The following CNIH3 variants were observed in gnomAD, a reference collection of about 807,000 sequenced individuals.
CNIH3 encodes the protein cornichon family AMPA receptor auxiliary protein 3.
CNIH3 carries 14 observed loss-of-function variants against 24.1 expected under a neutral mutation model. The ratio of observed to expected loss-of-function variants is 0.58; its 90% CI spans 0.38 to 0.91. The LOEUF (loss-of-function observed/expected upper bound fraction) is 0.91, where lower values mean the gene tolerates loss of function less well. CNIH3 is among the 40% of genes least tolerant of loss of function. The pLI is 0.00. For missense variants in CNIH3, 178 were observed against 196.8 expected, an observed-to-expected ratio of 0.90 and a Z score of 0.57; for synonymous variants, 68 against 73.8, an observed-to-expected ratio of 0.92 and a Z score of 0.40.
chr1:224,517,190 T>C (rs1246359394), intron 1 of CNIH3, among the ~76,000 whole-genome samples: 1 of 152,118 alleles, frequency 6.6e-6, no homozygotes, highest in Non-Finnish European at 1.5e-5. Flanking sequence ...GCGGCGGTGG[T>C]GGGATGACCT....
chr1:224,591,764 T>A (rs901739949), downstream of CNIH3, among the ~76,000 whole-genome samples: 1 of 152,066 alleles, frequency 6.6e-6, no homozygotes, highest in Non-Finnish European at 1.5e-5. Flanking sequence ...AGCTTTAGAG[T>A]CAGATGGATT....
At chr1:224,519,780 C>T (rs1485611167) in intron 1 of CNIH3, among the ~76,000 whole-genome samples, 1 of 151,352 alleles carries the variant, frequency 6.6e-6, no homozygotes, top group African/African-American at 2.4e-5. Flanking sequence ...CCTGTTGGTT[C>T]TGTTTCTTGG....
intron 3 of CNIH3, among the ~76,000 whole-genome samples, chr1:224,609,139 C>T (rs1276921714): frequency 6.6e-6 from 1 of 152,252 alleles, no homozygotes; most frequent in East Asian, 1.9e-4. Flanking sequence ...CTGCCCTGCT[C>T]ATCTCTGCCT....
chr1:224,443,925 G>A (rs914559137), intron 1 of CNIH3, among the ~76,000 whole-genome samples: 2 of 152,114 alleles, frequency 1.3e-5, no homozygotes, highest in African/African-American at 2.4e-5. Flanking sequence ...GGTAGGGGCA[G>A]AAGACAAGAG....
At chr1:224,523,299 A>G (rs1289648869) in intron 2 of CNIH3, among the ~76,000 whole-genome samples, 2 of 152,182 alleles carry the variant, frequency 1.3e-5, no homozygotes, top group Non-Finnish European at 2.9e-5. Context: ...GAAAACCTAA[A>G]TACCCATCAA....
chr1:224,573,991 T>C (rs1198870521), intron 4 of CNIH3, among the ~76,000 whole-genome samples: 1 of 152,192 alleles, frequency 6.6e-6, no homozygotes, highest in Non-Finnish European at 1.5e-5. Flanking sequence ...CTTGAACTCC[T>C]GGGCTCAAGG....
chr1:224,543,128 C>G (rs1195038359), intron 2 of CNIH3, among the ~76,000 whole-genome samples: 1 of 152,138 alleles, frequency 6.6e-6, no homozygotes, highest in Non-Finnish European at 1.5e-5. Context: ...GAGATTGAGT[C>G]TAATCATGTG....
chr1:224,449,282 T>C (rs540173950), intron 1 of CNIH3, among the ~76,000 whole-genome samples: 142 of 152,090 alleles, frequency 9.3e-4, no homozygotes, highest in African/African-American at 3.2e-3. Context: ...GGATTCTCTT[T>C]AACCCCATCC....
intron 4 of CNIH3, among the ~76,000 whole-genome samples, chr1:224,734,209 C>T (rs1271970765): frequency 6.6e-6 from 1 of 152,222 alleles, no homozygotes; most frequent in Non-Finnish European, 1.5e-5. Context: ...GGTATGGTGG[C>T]ATCCCAGCAG....
intron 1 of CNIH3, among the ~76,000 whole-genome samples, chr1:224,520,359 A>ACC (rs1298295399): frequency 6.6e-6 from 1 of 152,096 alleles, no homozygotes; most frequent in Admixed American, 6.6e-5. Context: ...GCGATCCCAC[A>ACC]CCTCTACACT....
chr1:224,471,192 C>G (rs932831427), intron 1 of CNIH3, among the ~76,000 whole-genome samples: 10 of 152,064 alleles, frequency 6.6e-5, no homozygotes, highest in Admixed American at 4.6e-4. Flanking sequence ...GCATACGCCA[C>G]CACATCCAGC....
chr1:224,493,383 T>C (rs1196839830), intron 1 of CNIH3, among the ~76,000 whole-genome samples: 1 of 151,928 alleles, frequency 6.6e-6, no homozygotes, highest in Non-Finnish European at 1.5e-5. Context: ...TGAACGTTTG[T>C]GTGTGTGTGT....
chr1:224,444,169 G>C (rs1179369820), intron 1 of CNIH3, among the ~76,000 whole-genome samples: 1 of 151,764 alleles, frequency 6.6e-6, no homozygotes, highest in Non-Finnish European at 1.5e-5. Context: ...TTATACTTCG[G>C]TATATAGCTC....
intron 4 of CNIH3, 72 bp downstream of exon 4, chr1:224,730,646 A>G: frequency 1.2e-6 from 1 of 845,620 alleles, no homozygotes; most frequent in Non-Finnish European, 1.9e-6. Flanking sequence ...TGATGATGTC[A>G]CCCAAATAGA....
chr1:224,681,093 G>A (rs780612434), intron 2 of CNIH3, 67 bp downstream of exon 2: 15 of 1,314,644 alleles, frequency 1.1e-5, no homozygotes, highest in Non-Finnish European at 1.7e-5. Flanking sequence ...TGGGAAGGAG[G>A]GTGAGAATGT....
intron 1 of CNIH3, among the ~76,000 whole-genome samples, chr1:224,502,139 G>A (rs1464554161): frequency 2.0e-5 from 3 of 152,118 alleles, no homozygotes; most frequent in Non-Finnish European, 4.4e-5. Context: ...CTGCAGATAC[G>A]GCTCCCGGAG....
At chr1:224,615,921 C>G (rs1202896805), upstream of CNIH3, among the ~76,000 whole-genome samples, 3 of 152,222 alleles carry the variant, frequency 2.0e-5, no homozygotes, top group African/African-American at 7.2e-5. Flanking sequence ...CCCCAAGTCC[C>G]CACACTTCCC....
In CNIH3 at chr1:224,476,674, T is replaced by G. The variant is rs1364505848; in HGVS notation, n.204-39067T>G. Among the ~76,000 whole-genome samples the G allele has an allele frequency of 2.0e-5, 3 of 152,314 alleles. No individual in the cohort carries two copies. The East Asian group carries it at 5.8e-4, about 29-fold the overall frequency. ...AAGAAGACACCAAAAACTGGTAAGA[T>G]AGTCCATGTTCATGGACTGGAAGAA... On this transcript the variant is annotated intron_variant and non_coding_transcript_variant, in intron 1 of 5. Coordinates refer to the CNIH3 transcript ENST00000471578.
At chr1:224,592,934 T>A (rs765867007), downstream of CNIH3, among the ~76,000 whole-genome samples, 55 of 152,316 alleles carry the variant, frequency 3.6e-4, no homozygotes, top group Non-Finnish European at 6.6e-4. Context: ...GTGATCTGTT[T>A]ACAGTGCCTG....
Sources: allele counts gnomAD v4.1 joint callset (sites outside exome capture counted in the v4.1 genomes callset), GRCh38; gene constraint gnomAD v4.1.1; transcripts MANE v1.5; gene names NCBI Gene and HGNC (gene_info 2026-07-23, HGNC 2026-07-21).